Variants in CCDC7 observed in about 807,000 individuals in gnomAD.
CCDC7 encodes coiled-coil domain-containing protein 7.
Under a neutral mutation model 196.9 loss-of-function variants are expected in CCDC7, and 183 were observed. The ratio of observed to expected loss-of-function variants is 0.93; its 90% confidence interval spans 0.82 to 1.05. CCDC7 has a LOEUF of 1.05. Among genes scored for constraint, CCDC7 ranks in the 50% least tolerant of loss-of-function variants. CCDC7 has a pLI of 0.00. For missense variants in CCDC7, 1,540 were observed against 1,482.2 expected (o/e 1.04, Z -0.64); for synonymous variants, 525 against 484.6 (o/e 1.08, Z -1.10).
At chr10:32,527,665 A>G (rs922146330) in intron 11 of CCDC7, among the ~76,000 whole-genome samples, 27 of 152,354 alleles carry the variant, frequency 1.8e-4, no homozygotes, top group African/African-American at 6.3e-4. Context: ...AATTACTTAA[A>G]GAATTTCTCA....
chr10:32,798,790 G>T (rs887314047), intron 29 of CCDC7, among the ~76,000 whole-genome samples: 22 of 152,176 alleles, frequency 1.4e-4, no homozygotes, highest in African/African-American at 5.3e-4. Context: ...GTCCTTCAGG[G>T]ATGTCCTAGA....
At chr10:32,772,158 G>A (rs1208649025) in intron 28 of CCDC7, among the ~76,000 whole-genome samples, 1 of 152,182 alleles carries the variant, frequency 6.6e-6, no homozygotes, top group African/African-American at 2.4e-5. Context: ...AACCCCTGTG[G>A]GTGTTGGGGA....
intron 9 of CCDC7, among the ~76,000 whole-genome samples, chr10:32,510,743 G>A (rs2045981502): frequency 6.6e-6 from 1 of 151,672 alleles, no homozygotes; most frequent in Non-Finnish European, 1.5e-5. Context: ...ATTTTAAATG[G>A]GACATAGAGG....
chr10:32,828,659 G>T (rs1462124654), intron 32 of CCDC7, among the ~76,000 whole-genome samples: 1 of 152,148 alleles, frequency 6.6e-6, no homozygotes, highest in African/African-American at 2.4e-5. Context: ...GCCTTTTGAA[G>T]TCACAATTAC....
chr10:32,572,866 CTTTTTTTTTTT>C (rs576270039), intron 16 of CCDC7, among the ~76,000 whole-genome samples: 53 of 90,384 alleles, frequency 5.9e-4, no homozygotes, highest in African/African-American at 2.1e-3. Context: ...AAGCATGGTG[CTTTTTTTTTTT>C]TTTTTTTTTT....
At chr10:32,586,905 C>G (rs1391864643) in intron 18 of CCDC7, among the ~76,000 whole-genome samples, 1 of 152,200 alleles carries the variant, frequency 6.6e-6, no homozygotes, top group African/African-American at 2.4e-5. Context: ...AGGAGCAACA[C>G]TCTTCTATTT....
At chr10:32,531,857 C>T (rs2049722204) in intron 11 of CCDC7, among the ~76,000 whole-genome samples, 1 of 152,076 alleles carries the variant, frequency 6.6e-6, no homozygotes, top group Non-Finnish European at 1.5e-5. Flanking sequence ...ATAGTAGTCT[C>T]TAGTAATTCT....
chr10:32,523,421 C>A (rs111594644), intron 11 of CCDC7, among the ~76,000 whole-genome samples: 25 of 151,924 alleles, frequency 1.6e-4, no homozygotes, highest in African/African-American at 5.8e-4. Context: ...TGGTGGCAGG[C>A]GCCCGTAGTC....
At chr10:32,476,678 C>T (rs982322854) in intron 8 of CCDC7, among the ~76,000 whole-genome samples, 2 of 152,174 alleles carry the variant, frequency 1.3e-5, no homozygotes, top group Non-Finnish European at 2.9e-5. Flanking sequence ...TTCCCCCCTG[C>T]AATTGAGGAG....
At chr10:32,686,062 A>G in exon 22 of CCDC7, 11 of 1,502,136 alleles carry the variant, frequency 7.3e-6, no homozygotes, top group East Asian at 2.3e-5. Context: ...AGAAACTTCT[A>G]CAGAGCAACC....
At chr10:32,783,092 A>G (rs1010895453) in intron 29 of CCDC7, among the ~76,000 whole-genome samples, 1 of 152,244 alleles carries the variant, frequency 6.6e-6, no homozygotes, top group African/African-American at 2.4e-5. Flanking sequence ...CCTTCATGAC[A>G]TTGAAGTTAG....
intron 30 of CCDC7, among the ~76,000 whole-genome samples, chr10:32,807,464 A>G (rs1427922470): frequency 6.6e-6 from 1 of 152,126 alleles, no homozygotes; most frequent in Non-Finnish European, 1.5e-5. Context: ...CTCAACACAT[A>G]CAAAAAAACA....
exon 14 of CCDC7, chr10:32,565,592 T>C: frequency 1.2e-6 from 2 of 1,609,398 alleles, no homozygotes; most frequent in Non-Finnish European, 8.5e-7. Flanking sequence ...AACAAAGTCC[T>C]TCAGGAGCAA....
chr10:32,755,617 A>C (rs1459448937), intron 28 of CCDC7, among the ~76,000 whole-genome samples: 1 of 152,116 alleles, frequency 6.6e-6, no homozygotes, highest in Non-Finnish European at 1.5e-5. Flanking sequence ...AACATCAAAG[A>C]CCAAAGTTAG....
intron 31 of CCDC7, among the ~76,000 whole-genome samples, chr10:32,815,634 C>G (rs2088277740): frequency 6.6e-6 from 1 of 152,104 alleles, no homozygotes; most frequent in South Asian, 2.1e-4. Context: ...TAATATTAAT[C>G]TATACATCTG....
At chr10:32,845,566 T>G (rs764855777) in exon 35 of CCDC7, 1 of 1,612,242 alleles carries the variant, frequency 6.2e-7, no homozygotes, top group East Asian at 2.2e-5. Context: ...CTTCTTTGCC[T>G]ATGCTACTGG....
chr10:32,781,026 C>T (rs1355877595), intron 29 of CCDC7, among the ~76,000 whole-genome samples: 3 of 151,968 alleles, frequency 2.0e-5, no homozygotes, highest in Non-Finnish European at 4.4e-5. Context: ...CAAGAGAACA[C>T]TGTGAACAAC....
At chr10:32,569,447 A>G (rs1477140687) in intron 15 of CCDC7, among the ~76,000 whole-genome samples, 1 of 151,656 alleles carries the variant, frequency 6.6e-6, no homozygotes, top group Non-Finnish European at 1.5e-5. Context: ...ATTTTTTGAG[A>G]TGGAGTTTCT....
chr10:32,457,043 G>A (rs1482917974), intron 3 of CCDC7, among the ~76,000 whole-genome samples: 11 of 151,162 alleles, frequency 7.3e-5, no homozygotes, highest in African/African-American at 2.4e-4. Flanking sequence ...ATAATAAACC[G>A]TTGTTAGCTG....
Sources: allele counts gnomAD v4.1 joint callset (sites outside exome capture counted in the v4.1 genomes callset), GRCh38; gene constraint gnomAD v4.1.1; transcripts MANE v1.5; gene names NCBI Gene and HGNC (gene_info 2026-07-23, HGNC 2026-07-21).